Variants in PTPRK observed in about 807,000 individuals in gnomAD.
PTPRK encodes receptor-type tyrosine-protein phosphatase kappa.
A neutral mutation model predicts 178.0 loss-of-function variants in PTPRK; 75 were observed. That is an observed-to-expected ratio of 0.42 (90% CI 0.35 to 0.51). PTPRK has a LOEUF of 0.51. Ranked by LOEUF, PTPRK falls within the 20% of genes least tolerant of loss-of-function variation. PTPRK has a pLI of 0.02. For missense variants in PTPRK, 1,441 were observed against 1,797.8 expected, an observed-to-expected ratio of 0.80 and a Z score of 3.59; for synonymous variants, 637 against 620.6, an observed-to-expected ratio of 1.03 and a Z score of -0.39.
chr6:128,022,077 G>C (rs1381074790), intron 13 of PTPRK, among the ~76,000 whole-genome samples: 2 of 152,154 alleles, frequency 1.3e-5, no homozygotes, highest in Non-Finnish European at 2.9e-5. Context: ...GCTTACATTA[G>C]AGATTTGACC....
chr6:128,236,201 T>G (rs935776631), intron 5 of PTPRK, among the ~76,000 whole-genome samples: 1 of 152,094 alleles, frequency 6.6e-6, no homozygotes, highest in African/African-American at 2.4e-5. Context: ...ATTTAAAAAA[T>G]GTCTGTTCAT....
rs538283016 is a variant in PTPRK at position 128,037,903 on chromosome 6, T to A, written c.2194+26855A>T. 1.7e-4 allele frequency among the ~76,000 whole-genome samples: 26 copies of A among 152,334 alleles called. No individual in the cohort carries two copies. In the East Asian group the frequency reaches 5.0e-3, roughly 29 times the overall value. Reference sequence around the variant, plus strand: ...CATGGTGAAATTTAACATTATTTTTTAAAGATTTTTAAAACAATTATTATA... The same window carrying A: ...CATGGTGAAATTTAACATTATTTTTAAAAGATTTTTAAAACAATTATTATA... On this transcript the variant is annotated intron_variant, in intron 13 of 29. Transcript: ENST00000368226.
At position 128,119,270 on chromosome 6, in the gene PTPRK, G is replaced by GT. The variant is rs561294266; in HGVS notation, c.1163-29279dup. On this transcript the variant is annotated intron_variant, in intron 7 of 29. Transcript: ENST00000368226. ...ACACAAGCCATGGATGTGTTTTTTG[G>GT]TTTTTTTTTTAAATTTACATTCCTT... Among the ~76,000 whole-genome samples, 65 of 147,512 alleles carry GT rather than the reference G, an allele frequency of 4.4e-4. 1 individual carries two copies. The highest frequency in any genetic ancestry group is 1.9e-3 in the South Asian group (9 of 4,632).
intron 7 of PTPRK, among the ~76,000 whole-genome samples, chr6:128,115,187 C>A (rs917308186): frequency 6.6e-6 from 1 of 152,090 alleles, no homozygotes; most frequent in Non-Finnish European, 1.5e-5. Flanking sequence ...CTCCAGCCAG[C>A]CTGAACAGCT....
At chr6:128,281,858 A>G (rs1160480250) in intron 3 of PTPRK, among the ~76,000 whole-genome samples, 1 of 152,194 alleles carries the variant, frequency 6.6e-6, no homozygotes, top group Non-Finnish European at 1.5e-5. Flanking sequence ...AATCCCTATC[A>G]GAATTAATCT....
At chr6:128,290,545 C>A (rs1418706660) in intron 3 of PTPRK, among the ~76,000 whole-genome samples, 1 of 151,978 alleles carries the variant, frequency 6.6e-6, no homozygotes, top group Non-Finnish European at 1.5e-5. Flanking sequence ...CCAAGTACTC[C>A]AGGCATTCAT....
At chr6:128,476,122 C>T (rs1051433377) in intron 1 of PTPRK, among the ~76,000 whole-genome samples, 1 of 151,812 alleles carries the variant, frequency 6.6e-6, no homozygotes. Flanking sequence ...ACTTCTGTCA[C>T]CCAAGAACTA....
At chr6:128,418,227 A>G (rs1231320289) in intron 1 of PTPRK, among the ~76,000 whole-genome samples, 1 of 152,204 alleles carries the variant, frequency 6.6e-6, no homozygotes, top group African/African-American at 2.4e-5. Context: ...AATTCCAAAT[A>G]CTCCAAATAA....
chr6:128,370,370 A>G (rs1417707078), intron 2 of PTPRK, among the ~76,000 whole-genome samples: 1 of 152,096 alleles, frequency 6.6e-6, no homozygotes, highest in Non-Finnish European at 1.5e-5. Flanking sequence ...ATAAACAGTA[A>G]AATAGGGAAT....
intron 4 of PTPRK, chr6:128,241,396 ATC>A: frequency 2.1e-6 from 1 of 487,102 alleles, no homozygotes; most frequent in Non-Finnish European, 4.2e-6. Context: ...GAGCCAAGCA[ATC>A]TGTGATTTAC....
chr6:128,168,631 A>G (rs940310435), intron 7 of PTPRK, among the ~76,000 whole-genome samples: 1 of 152,016 alleles, frequency 6.6e-6, no homozygotes, highest in African/African-American at 2.4e-5. Context: ...ACTGTGCATA[A>G]TGTTTTAAAT....
intron 2 of PTPRK, among the ~76,000 whole-genome samples, chr6:128,334,663 A>G (rs1830676408): frequency 6.6e-6 from 1 of 152,206 alleles, no homozygotes; most frequent in South Asian, 2.1e-4. Flanking sequence ...TTGGCCACCA[A>G]AGAAGTTTCT....
chr6:128,176,765 C>A (rs1045704508), intron 7 of PTPRK, among the ~76,000 whole-genome samples: 6 of 151,584 alleles, frequency 4.0e-5, no homozygotes, highest in African/African-American at 7.3e-5. Flanking sequence ...ACAATGAAGA[C>A]CAGAAAGTGA....
At chr6:128,141,657 T>C (rs17055386) in intron 7 of PTPRK, among the ~76,000 whole-genome samples, 3,888 of 151,992 alleles carry the variant, frequency 0.026, 76 homozygotes, top group Middle Eastern at 0.095. Context: ...AACAGCTTCA[T>C]TATGTGTTAA....
chr6:128,487,358 G>A (rs1347697132), intron 1 of PTPRK, among the ~76,000 whole-genome samples: 3 of 150,798 alleles, frequency 2.0e-5, no homozygotes, highest in Non-Finnish European at 4.4e-5. Context: ...TGGGAAACTG[G>A]GAAGGCCTCA....
At chr6:128,438,133 C>T (rs979267364) in intron 1 of PTPRK, among the ~76,000 whole-genome samples, 2 of 152,202 alleles carry the variant, frequency 1.3e-5, no homozygotes, top group Non-Finnish European at 2.9e-5. Flanking sequence ...GTTCAAGGGT[C>T]GGCTGTGCAT....
chr6:128,061,464 T>C (rs992592547), intron 13 of PTPRK, among the ~76,000 whole-genome samples: 1 of 151,922 alleles, frequency 6.6e-6, no homozygotes, highest in African/African-American at 2.4e-5. Flanking sequence ...GCAAAATTGA[T>C]CTAAATACAA....
intron 1 of PTPRK, among the ~76,000 whole-genome samples, chr6:128,449,161 G>A (rs931302892): frequency 3.9e-5 from 6 of 152,022 alleles, no homozygotes; most frequent in African/African-American, 9.7e-5. Context: ...TGCCTGGCCC[G>A]CCAGTTTTAT....
At chr6:128,296,219 C>A (rs1423937055) in intron 3 of PTPRK, among the ~76,000 whole-genome samples, 2 of 152,066 alleles carry the variant, frequency 1.3e-5, no homozygotes, top group Non-Finnish European at 2.9e-5. Flanking sequence ...CACCACAGGG[C>A]CTTTACCCTG....
Sources: gnomAD v4.1 joint callset for allele counts (sites outside exome capture counted in the v4.1 genomes callset) on GRCh38, gnomAD v4.1.1 for gene constraint, MANE v1.5 for transcripts, NCBI Gene and HGNC (gene_info 2026-07-23, HGNC 2026-07-21) for gene names.